The following ANO4 variants were observed in gnomAD, a reference collection of about 807,000 sequenced individuals.
ANO4 encodes anoctamin 4, also known as anoctamin-4.
A neutral mutation model predicts 141.9 loss-of-function variants in ANO4; 69 were observed. That is an observed-to-expected ratio of 0.49 (90% confidence interval 0.40 to 0.59). ANO4 has a LOEUF of 0.59. Ranked by LOEUF, ANO4 falls within the 20% of genes least tolerant of loss-of-function variation. The probability of loss-of-function intolerance (pLI) is 0.00; values close to 1 mark genes in which losing one functional copy is unlikely to be tolerated. For missense variants in ANO4, 894 were observed against 1,162.2 expected, an observed-to-expected ratio of 0.77 and a Z score of 3.36; for synonymous variants, 350 against 394.3, an observed-to-expected ratio of 0.89 and a Z score of 1.33.
intron 2 of ANO4, among the ~76,000 whole-genome samples, chr12:100,906,786 G>A (rs1295790400): frequency 2.6e-5 from 4 of 152,130 alleles, no homozygotes; most frequent in Admixed American, 2.0e-4. Flanking sequence ...TTGGGGAAGA[G>A]GGAAGAAGAA....
rs1331541510 is a variant in ANO4 at position 100,814,179 on chromosome 12, AT to A, written c.-141+19159del. ...ACTATATACTCTGTAGTTTCCAGGA[AT>A]TTTTTTGTGGTGCCTTATGTAAAGG... is the stretch of plus-strand genomic sequence containing the variant. On this transcript the variant is annotated intron_variant, in intron 1 of 27. Coordinates refer to ENST00000392977, the MANE Select transcript of ANO4 (RefSeq NM_001286615.2). 3.3e-5 allele frequency among the ~76,000 whole-genome samples: 5 copies of A among 152,286 alleles called. No homozygotes were observed. The East Asian group carries it at 9.6e-4, about 29-fold the overall frequency.
intron 3 of ANO4, among the ~76,000 whole-genome samples, chr12:100,776,996 G>A (rs909203972): frequency 2.0e-5 from 3 of 152,000 alleles, no homozygotes; most frequent in Non-Finnish European, 4.4e-5. Flanking sequence ...GAGTTATAAG[G>A]CACCCTGAAG....
intron 8 of ANO4, among the ~76,000 whole-genome samples, chr12:101,013,050 A>G (rs138553523): frequency 3.9e-5 from 6 of 152,308 alleles, no homozygotes; most frequent in Admixed American, 1.3e-4. Flanking sequence ...CAGCCATTGT[A>G]TAAAACAGTT....
At chr12:100,884,085 A>G (rs2039701452) in intron 1 of ANO4, among the ~76,000 whole-genome samples, 1 of 152,186 alleles carries the variant, frequency 6.6e-6, no homozygotes, top group Non-Finnish European at 1.5e-5. Context: ...ATCATTGTAG[A>G]TTTGATTAAA....
intron 17 of ANO4, among the ~76,000 whole-genome samples, chr12:101,091,080 C>T (rs1355811106): frequency 6.6e-6 from 1 of 152,168 alleles, no homozygotes; most frequent in Non-Finnish European, 1.5e-5. Context: ...AGAGTTCACA[C>T]TCGAAAGCTA....
rs947955823 is a variant in ANO4 at position 100,760,388 on chromosome 12, C to T, written c.358+20283C>T. On this transcript the variant is annotated intron_variant, in intron 3 of 29. Transcript: ENST00000644049. ...CTCCCCAAAGTCTAACAGCTGATAC[C>T]TATTTGACTCCATCATGTGTTTCTC... Among the ~76,000 whole-genome samples the T allele has an allele frequency of 1.2e-4, 19 of 152,242 alleles. 1 individual carries two copies. Among genetic ancestry groups the T allele is most frequent in the Admixed American group, 4.6e-4 (7 of 15,286 alleles).
At chr12:100,757,955 A>T (rs10745894) in intron 3 of ANO4, among the ~76,000 whole-genome samples, 1 of 152,088 alleles carries the variant, frequency 6.6e-6, no homozygotes, top group Admixed American at 6.5e-5. Flanking sequence ...TCCTTCAAGG[A>T]CTGTGGATTT....
chr12:100,971,044 AT>A (rs1309233288), intron 5 of ANO4, among the ~76,000 whole-genome samples: 1 of 152,124 alleles, frequency 6.6e-6, no homozygotes, highest in Non-Finnish European at 1.5e-5. Context: ...GTTTTTGCCT[AT>A]CTTCTTTAAC....
In ANO4 at chr12:101,105,177, T is replaced by C. The variant is rs115457050; in HGVS notation, c.2150-5227T>C. 9.1e-3 allele frequency among the ~76,000 whole-genome samples: 1,384 copies of C among 152,208 alleles called. 24 individuals carry two copies. The highest frequency in any genetic ancestry group is 0.032 in the African/African-American group (1,323 of 41,540). On this transcript the variant is annotated intron_variant, in intron 22 of 27. Coordinates refer to ENST00000392977, the MANE Select transcript of ANO4 (RefSeq NM_001286615.2). ...ATCACAGCAAAGGAACAAGAACAAA[T>C]CAAAGGTGGAGTAAGCTTTACAAAC...
chr12:100,983,769 G>A (rs1310259562), intron 7 of ANO4, among the ~76,000 whole-genome samples: 1 of 152,142 alleles, frequency 6.6e-6, no homozygotes, highest in African/African-American at 2.4e-5. Flanking sequence ...GTTAACTTGA[G>A]CCCATCTGAG....
chr12:101,051,780 T>C (rs2047882909), intron 14 of ANO4, among the ~76,000 whole-genome samples: 1 of 152,216 alleles, frequency 6.6e-6, no homozygotes, highest in South Asian at 2.1e-4. Flanking sequence ...GCTCCTCTGC[T>C]CTACTGCTAG....
intron 2 of ANO4, chr12:100,733,944 G>A: frequency 3.2e-6 from 2 of 622,188 alleles, no homozygotes; most frequent in South Asian, 1.8e-5. Context: ...GGGAGGAGAG[G>A]GAAGAAAATA....
intron 12 of ANO4, among the ~76,000 whole-genome samples, chr12:101,042,701 C>G (rs2047457293): frequency 6.6e-6 from 1 of 152,186 alleles, no homozygotes. Context: ...ATACAAGCCA[C>G]TATATATCCA....
intron 1 of ANO4, among the ~76,000 whole-genome samples, chr12:100,875,133 G>T (rs757790784): frequency 6.6e-6 from 1 of 152,040 alleles, no homozygotes; most frequent in Non-Finnish European, 1.5e-5. Flanking sequence ...GGCCAGAGGT[G>T]GAATATGTGG....
intron 2 of ANO4, among the ~76,000 whole-genome samples, chr12:100,905,196 A>G (rs1247649950): frequency 3.3e-5 from 5 of 152,198 alleles, no homozygotes; most frequent in Non-Finnish European, 7.3e-5. Context: ...TTGAAAGATG[A>G]TTGGTCTGTG....
chr12:101,036,349 C>T lies in ANO4; in HGVS notation c.842-746C>T, dbSNP rs116456295. 9.2e-3 allele frequency among the ~76,000 whole-genome samples: 1,396 copies of T among 152,238 alleles called. 28 individuals are homozygous for T. The highest frequency in any genetic ancestry group is 0.032 in the African/African-American group (1,333 of 41,540). On this transcript the variant is annotated intron_variant, in intron 9 of 27. Coordinates refer to ENST00000392977, the MANE Select transcript of ANO4 (RefSeq NM_001286615.2). Reference sequence around the variant, plus strand: ...GATACAGCAATCCTACTTTTGGGTACATATCCCAAGGAATTGAAATCAGTA... The same window carrying T: ...GATACAGCAATCCTACTTTTGGGTATATATCCCAAGGAATTGAAATCAGTA...
At chr12:100,810,648 T>G (rs942910186) in intron 1 of ANO4, among the ~76,000 whole-genome samples, 9 of 152,070 alleles carry the variant, frequency 5.9e-5, no homozygotes, top group Non-Finnish European at 8.8e-5. Flanking sequence ...TGTCTTGAAC[T>G]TGGTACTAGA....
chr12:100,834,738 C>T (rs1236742478), intron 1 of ANO4, among the ~76,000 whole-genome samples: 1 of 152,012 alleles, frequency 6.6e-6, no homozygotes, highest in Non-Finnish European at 1.5e-5. Context: ...ATAGAAAATG[C>T]TATGGTATAT....
chr12:100,816,023 C>A (rs1051396164), intron 1 of ANO4, among the ~76,000 whole-genome samples: 1 of 151,994 alleles, frequency 6.6e-6, no homozygotes, highest in Non-Finnish European at 1.5e-5. Flanking sequence ...ATTTTTAAAA[C>A]CTCTTAAACT....
Sources: allele counts gnomAD v4.1 joint callset (sites outside exome capture counted in the v4.1 genomes callset), GRCh38; gene constraint gnomAD v4.1.1; transcripts MANE v1.5; gene names NCBI Gene and HGNC (gene_info 2026-07-23, HGNC 2026-07-21).